The following PGR variants were observed in gnomAD, a reference collection of about 807,000 sequenced individuals.
PGR encodes the protein nuclear receptor subfamily 3 group C member 3.
A neutral mutation model predicts 76.1 loss-of-function variants in PGR; 25 were observed. The ratio of observed to expected loss-of-function variants is 0.33; its 90% CI spans 0.24 to 0.46. The LOEUF (loss-of-function observed/expected upper bound fraction) is 0.46, where lower values mean the gene tolerates loss of function less well. PGR is among the 20% of genes least tolerant of loss of function. The pLI, the probability that PGR is intolerant of heterozygous loss-of-function variation, is 1.00. For synonymous variants in PGR, 579 were observed against 535.0 expected (o/e 1.08, Z -1.14); for missense variants, 1,172 against 1,225.3 (o/e 0.96, Z 0.65).
intron 2 of PGR, among the ~76,000 whole-genome samples, chr11:101,100,517 CT>C (rs1861964483): frequency 6.6e-6 from 1 of 151,770 alleles, no homozygotes; most frequent in Non-Finnish European, 1.5e-5. Flanking sequence ...TGGGACTGGC[CT>C]AAGATTTTAT....
At chr11:101,108,156 A>G (rs1862234235) in intron 2 of PGR, among the ~76,000 whole-genome samples, 1 of 151,194 alleles carries the variant, frequency 6.6e-6, no homozygotes, top group Admixed American at 6.6e-5. Context: ...CTGGAGGCTG[A>G]GGCAGGAGAG....
At chr11:101,085,535 A>C (rs1350953049) in intron 3 of PGR, among the ~76,000 whole-genome samples, 4 of 148,336 alleles carry the variant, frequency 2.7e-5, no homozygotes, top group African/African-American at 9.8e-5. Context: ...TAAAAAAAAA[A>C]AAAAAAAAAA....
At chr11:101,127,406 C>T in intron 1 of PGR, 28 bp downstream of exon 1, 2 of 1,500,930 alleles carry the variant, frequency 1.3e-6, no homozygotes, top group East Asian at 2.7e-5. Flanking sequence ...CCCGGACGCG[C>T]TGGGCGTGCC....
At chr11:101,077,397 A>T (rs959060163) in intron 3 of PGR, among the ~76,000 whole-genome samples, 5 of 152,210 alleles carry the variant, frequency 3.3e-5, no homozygotes, top group Non-Finnish European at 7.3e-5. Context: ...CTTTGTATAT[A>T]CTTCAAAGAA....
intron 2 of PGR, among the ~76,000 whole-genome samples, chr11:101,099,753 C>A (rs1861940013): frequency 6.6e-6 from 1 of 151,824 alleles, no homozygotes; most frequent in African/African-American, 2.4e-5. Context: ...TGAATCTCAC[C>A]AAAGTATCCC....
At position 101,033,177 on chromosome 11, in the gene PGR, G is replaced by A. The variant is rs1284063833; in HGVS notation, c.*5939C>T. ...AAGGAGATACTTTACTGGCTAAAGT[G>A]AAGAATTCTAAAGTCTGCCATGTGA... On this transcript the variant is annotated 3_prime_UTR_variant, in exon 8 of 8. Coordinates refer to ENST00000325455, the MANE Select transcript of PGR (RefSeq NM_000926.4). 1 of 209,328 alleles carries A rather than the reference G, an allele frequency of 4.8e-6. No individual in the cohort carries two copies. Among genetic ancestry groups the A allele is most frequent in the Non-Finnish European group, 9.7e-6 (1 of 102,896 alleles). The allele number at this position is 209,328 out of a possible 1,614,324, so 13.0% of individuals were successfully genotyped here.
chr11:101,032,913 A>C lies in PGR; in HGVS notation c.*6203T>G, dbSNP rs1235566947. 5.4e-6 allele frequency: 1 copy of C among 186,188 alleles called. No individual in the cohort carries two copies. The highest frequency in any genetic ancestry group is 1.1e-5 in the Non-Finnish European group (1 of 88,084). 11.5% of individuals were successfully genotyped at this position (186,188 alleles called of 1,614,324 possible). On this transcript the variant is annotated 3_prime_UTR_variant, in exon 8 of 8. Coordinates refer to ENST00000325455, the MANE Select transcript of PGR (RefSeq NM_000926.4). ...GCTTCACAGCTAGTTGCTGAGGAAT[A>C]AAATGATGCCTAAAGTAAGACTTTT...
intron 3 of PGR, among the ~76,000 whole-genome samples, chr11:101,065,294 T>C (rs1452718487): frequency 6.6e-6 from 1 of 152,124 alleles, no homozygotes; most frequent in East Asian, 1.9e-4. Flanking sequence ...TGACCTAACA[T>C]AGCTTAAAAA....
Position 101,036,465 on chromosome 11 carries a change from C to G in PGR, c.*2651G>C, listed in dbSNP as rs1319826278. The G allele has an allele frequency of 5.0e-6, 1 of 199,342 alleles. No homozygotes were observed. The highest frequency in any genetic ancestry group is 1.0e-5 in the Non-Finnish European group (1 of 96,680). 12.3% of individuals were successfully genotyped at this position (199,342 alleles called of 1,614,324 possible). ...AAGTATTTCCTGATATGTAACCTGT[C>G]TTCTTATGATTTAGTGTCATTTTAG... is the stretch of plus-strand genomic sequence containing the variant. On this transcript the variant is annotated 3_prime_UTR_variant, in exon 8 of 8. Coordinates refer to ENST00000325455, the MANE Select transcript of PGR (RefSeq NM_000926.4).
At chr11:101,042,882 C>A (rs1193539077) in intron 6 of PGR, among the ~76,000 whole-genome samples, 2 of 152,150 alleles carry the variant, frequency 1.3e-5, no homozygotes, top group Non-Finnish European at 1.5e-5. Context: ...CTAAAAAACA[C>A]TTTATTGCTA....
chr11:101,068,467 T>C (rs1188663077), intron 3 of PGR, among the ~76,000 whole-genome samples: 4 of 152,218 alleles, frequency 2.6e-5, no homozygotes, highest in African/African-American at 7.2e-5. Flanking sequence ...GATCCAATAA[T>C]AGCTCCATCA....
intron 6 of PGR, among the ~76,000 whole-genome samples, chr11:101,045,609 A>C (rs1242795481): frequency 1.3e-5 from 2 of 151,918 alleles, no homozygotes; most frequent in Non-Finnish European, 2.9e-5. Flanking sequence ...TGTTCCATCC[A>C]TGTTGCTGCA....
chr11:101,074,390 GA>G (rs1261291722), intron 3 of PGR, among the ~76,000 whole-genome samples: 4 of 152,140 alleles, frequency 2.6e-5, no homozygotes, highest in Admixed American at 6.5e-5. Flanking sequence ...GGCAAAAGCT[GA>G]AAGCATTCCC....
intron 2 of PGR, among the ~76,000 whole-genome samples, chr11:101,122,235 T>A (rs1451326962): frequency 6.6e-6 from 1 of 152,044 alleles, no homozygotes; most frequent in Non-Finnish European, 1.5e-5. Context: ...GTCTTCTAAG[T>A]AATACATTTC....
chr11:101,127,797 A>T lies in PGR; in HGVS notation c.1274T>A (p.Leu425Gln). ...TCTGGATGGGGTCGCTCGCGGCGGC[A>T]GCGGGGGCGGTGGCCCCAACGGGAA... is the stretch of plus-strand genomic sequence containing the variant. ...PDFPLGPPPP[L>Q]PPRATPSRPG... The change falls in exon 1 of 8, where the codon CTG becomes CAG. Residue 425 changes from leucine to glutamine, a missense_variant. Leu to Gln is a moderately radical substitution (Grantham distance 113, BLOSUM62 -2). Transcript: ENST00000325455. 6.4e-7 allele frequency: 1 copy of T among 1,566,194 alleles called. No homozygotes were observed. Among genetic ancestry groups the T allele is most frequent in the East Asian group, 2.3e-5 (1 of 43,164 alleles).
chr11:101,077,545 T>C (rs1460191848), intron 3 of PGR, among the ~76,000 whole-genome samples: 1 of 152,216 alleles, frequency 6.6e-6, no homozygotes, highest in African/African-American at 2.4e-5. Context: ...AGGAGATATT[T>C]GAACCCCTCA....
intron 4 of PGR, among the ~76,000 whole-genome samples, chr11:101,052,631 G>C (rs1860136609): frequency 6.6e-6 from 1 of 152,076 alleles, no homozygotes; most frequent in African/African-American, 2.4e-5. Flanking sequence ...CTATGTGGTA[G>C]GTGGATTCAA....
chr11:101,088,629 G>A (rs1861573932), intron 3 of PGR, among the ~76,000 whole-genome samples: 1 of 152,080 alleles, frequency 6.6e-6, no homozygotes, highest in Non-Finnish European at 1.5e-5. Flanking sequence ...ACCGCTCCCG[G>A]CCCTCAAAGA....
chr11:101,100,675 G>C (rs1861970311), intron 2 of PGR, among the ~76,000 whole-genome samples: 1 of 151,540 alleles, frequency 6.6e-6, no homozygotes, highest in Middle Eastern at 3.2e-3. Flanking sequence ...TTTTGATTTT[G>C]CTAGAAATAC....
Sources: allele counts gnomAD v4.1 joint callset (sites outside exome capture counted in the v4.1 genomes callset), GRCh38; gene constraint gnomAD v4.1.1; transcripts MANE v1.5; gene names NCBI Gene and HGNC (gene_info 2026-07-23, HGNC 2026-07-21).